The following ME1 variants were observed in gnomAD, a reference collection of about 807,000 sequenced individuals.
ME1 encodes NADP-dependent malic enzyme.
A neutral mutation model predicts 66.4 loss-of-function variants in ME1; 74 were observed. The ratio of observed to expected loss-of-function variants is 1.11; its 90% CI spans 0.92 to 1.35. The LOEUF (loss-of-function observed/expected upper bound fraction) is 1.35, where lower values mean the gene tolerates loss of function less well. Among genes scored for constraint, ME1 ranks in the 40% most tolerant of loss-of-function variants. ME1 has a pLI of 0.00. For missense variants in ME1, 750 were observed against 694.1 expected (o/e 1.08, Z -0.90); for synonymous variants, 251 against 235.6 (o/e 1.07, Z -0.60).
At chr6:83,315,447 A>T (rs1271242346) in intron 5 of ME1, 34 bp from the exon 6 acceptor site, 1 of 1,217,080 alleles carries the variant, frequency 8.2e-7, no homozygotes, top group South Asian at 1.3e-5. Context: ...AATAGAAATA[A>T]CTATAACCAA....
chr6:83,316,117 A>AT (rs1305927657), intron 5 of ME1, among the ~76,000 whole-genome samples: 1 of 152,136 alleles, frequency 6.6e-6, no homozygotes, highest in Non-Finnish European at 1.5e-5. Flanking sequence ...TCCTTTCTTA[A>AT]TTTTCCACTT....
At chr6:83,245,599 G>A (rs954686681) in intron 7 of ME1, among the ~76,000 whole-genome samples, 14 of 152,012 alleles carry the variant, frequency 9.2e-5, no homozygotes, top group African/African-American at 3.4e-4. Context: ...GTAGAGACGG[G>A]GTTTCTCCAT....
chr6:83,269,369 G>C (rs534184400), intron 6 of ME1, among the ~76,000 whole-genome samples: 2 of 152,112 alleles, frequency 1.3e-5, no homozygotes, highest in Admixed American at 1.3e-4. Context: ...AAATATTCTT[G>C]GGAGGCTTTG....
chr6:83,223,171 T>A (rs1358688899), intron 12 of ME1, among the ~76,000 whole-genome samples: 3 of 152,348 alleles, frequency 2.0e-5, no homozygotes, highest in Admixed American at 6.5e-5. Context: ...TGCTTTTTTT[T>A]AGGTAACAAT....
Position 83,298,325 on chromosome 6 carries a change from T to A in ME1, c.704+16985A>T, listed in dbSNP as rs528065589. 3.3e-4 allele frequency among the ~76,000 whole-genome samples: 50 copies of A among 152,280 alleles called. No individual in the cohort carries two copies. In the South Asian group the frequency reaches 7.5e-3, roughly 23 times the overall value. On this transcript the variant is annotated intron_variant, in intron 6 of 13. Coordinates refer to ENST00000369705, the MANE Select transcript of ME1 (RefSeq NM_002395.6). ...TCTCTAACAATCAGTGATGTTGAGC[T>A]TTTTTTCATATGTTTGTTGGCCACA...
intron 3 of ME1, among the ~76,000 whole-genome samples, chr6:83,362,343 TC>T (rs1319909472): frequency 1.3e-5 from 2 of 152,196 alleles, no homozygotes; most frequent in African/African-American, 4.8e-5. Context: ...GATATTTGTA[TC>T]CCATGTGAGT....
intron 7 of ME1, among the ~76,000 whole-genome samples, chr6:83,245,634 G>A (rs1008273852): frequency 2.0e-5 from 3 of 152,160 alleles, no homozygotes; most frequent in African/African-American, 4.8e-5. Context: ...TCTTGAACTC[G>A]TGACCTTAGG....
At chr6:83,323,216 A>G (rs759274747) in intron 5 of ME1, among the ~76,000 whole-genome samples, 1 of 152,214 alleles carries the variant, frequency 6.6e-6, no homozygotes, top group Non-Finnish European at 1.5e-5. Flanking sequence ...AAATGTAAAG[A>G]CCATTGACAT....
intron 6 of ME1, among the ~76,000 whole-genome samples, chr6:83,255,282 G>GT (rs770604113): frequency 1.4e-4 from 21 of 151,006 alleles, no homozygotes; most frequent in Middle Eastern, 3.5e-3. Flanking sequence ...TGTTATAGTT[G>GT]TTTTCTTTAT....
chr6:83,331,755 A>G (rs1471184421), intron 5 of ME1, among the ~76,000 whole-genome samples: 1 of 152,138 alleles, frequency 6.6e-6, no homozygotes, highest in Non-Finnish European at 1.5e-5. Context: ...GAACTGTGAG[A>G]AAATAAATTT....
In ME1 at chr6:83,400,895, C is replaced by T. The variant is rs1026628025; in HGVS notation, c.213-2379G>A. On this transcript the variant is annotated intron_variant, in intron 2 of 13. Coordinates refer to ENST00000369705, the MANE Select transcript of ME1 (RefSeq NM_002395.6). The stretch of plus-strand genomic sequence containing the variant: ...TCTGCTCTAGACACAAGTCTCCCTG[C>T]TGATTCTTGAACATGCCAGCTACAA... Among the ~76,000 whole-genome samples the T allele has an allele frequency of 5.9e-5, 9 of 152,316 alleles. No individual in the cohort carries two copies. The South Asian group carries it at 1.0e-3, about 18-fold the overall frequency.
intron 6 of ME1, among the ~76,000 whole-genome samples, chr6:83,284,943 C>T (rs1767369401): frequency 6.6e-6 from 1 of 152,100 alleles, no homozygotes; most frequent in African/African-American, 2.4e-5. Flanking sequence ...ATATATTTAT[C>T]ACATTTAAAA....
chr6:83,344,956 T>A (rs1047360573), intron 5 of ME1, among the ~76,000 whole-genome samples: 5 of 151,974 alleles, frequency 3.3e-5, no homozygotes, highest in Middle Eastern at 3.4e-3. Flanking sequence ...TAACAATTTT[T>A]AAAATATATT....
intron 4 of ME1, among the ~76,000 whole-genome samples, chr6:83,346,725 TGAG>T (rs1410467001): frequency 2.0e-5 from 3 of 152,164 alleles, no homozygotes; most frequent in Non-Finnish European, 4.4e-5. Flanking sequence ...CTGAAGAGAT[TGAG>T]GAGGTTATAT....
In ME1 at chr6:83,413,656, A is replaced by G. The variant is rs548987296; in HGVS notation, c.79-5755T>C. On this transcript the variant is annotated intron_variant, in intron 1 of 13. Transcript: ENST00000369705. ...TGTCATATTTTCAATTTATTAACAT[A>G]GTTTATGTGCATATTTTACATCTAC... is the stretch of plus-strand genomic sequence containing the variant. Among the ~76,000 whole-genome samples, 8 of 152,248 alleles carry G rather than the reference A, an allele frequency of 5.3e-5. 1 individual carries two copies. Among genetic ancestry groups the G allele is most frequent in the Middle Eastern group, 3.4e-3 (1 of 294 alleles).
chr6:83,308,105 G>A (rs1767859165), intron 6 of ME1, among the ~76,000 whole-genome samples: 1 of 152,056 alleles, frequency 6.6e-6, no homozygotes, highest in Non-Finnish European at 1.5e-5. Context: ...AGATGATATG[G>A]CTTCAGACTA....
intron 3 of ME1, among the ~76,000 whole-genome samples, chr6:83,368,845 T>C (rs1539439): frequency 0.32 from 48,620 of 151,902 alleles, 8,147 homozygotes; most frequent in Middle Eastern, 0.5. Flanking sequence ...GAATATTCAG[T>C]AAGCTGAGAC....
At chr6:83,288,996 T>C (rs921279346) in intron 6 of ME1, among the ~76,000 whole-genome samples, 2 of 152,210 alleles carry the variant, frequency 1.3e-5, no homozygotes. Flanking sequence ...TGCACATTGA[T>C]TTTGTATCCT....
At chr6:83,228,995 G>C (rs1432364198) in intron 9 of ME1, 64 bp from the exon 10 acceptor site, 1 of 1,027,050 alleles carries the variant, frequency 9.7e-7, no homozygotes, top group Admixed American at 2.2e-5. Flanking sequence ...ATAAATTTCG[G>C]TACATATATT....
Sources: allele counts gnomAD v4.1 joint callset (sites outside exome capture counted in the v4.1 genomes callset), GRCh38; gene constraint gnomAD v4.1.1; transcripts MANE v1.5; gene names NCBI Gene and HGNC (gene_info 2026-07-23, HGNC 2026-07-21).